TCF7L1: variants seen among roughly 807,000 people sequenced by gnomAD.
The protein encoded by TCF7L1 is transcription factor 7-like 1.
TCF7L1 carries 18 observed loss-of-function variants against 63.7 expected under a neutral mutation model. The ratio of observed to expected loss-of-function variants is 0.28; its 90% CI spans 0.20 to 0.42. The LOEUF (loss-of-function observed/expected upper bound fraction) is 0.42, where lower values mean the gene tolerates loss of function less well. TCF7L1 is among the 10% of genes least tolerant of loss of function. The pLI is 1.00. For synonymous variants in TCF7L1, 355 were observed against 340.9 expected (o/e 1.04, Z -0.46); for missense variants, 654 against 779.3 (o/e 0.84, Z 1.91).
intron 3 of TCF7L1, among the ~76,000 whole-genome samples, chr2:85,266,553 G>T (rs1007268616): frequency 2.6e-5 from 4 of 152,204 alleles, no homozygotes; most frequent in Non-Finnish European, 5.9e-5. Flanking sequence ...CCAGGTCACC[G>T]GCTCCTGGGG....
At chr2:85,276,779 G>A (rs916518444) in intron 3 of TCF7L1, among the ~76,000 whole-genome samples, 2 of 152,182 alleles carry the variant, frequency 1.3e-5, no homozygotes. Context: ...GAATTGAGGT[G>A]CAGCATGACC....
intron 3 of TCF7L1, among the ~76,000 whole-genome samples, chr2:85,247,937 C>T (rs991198215): frequency 6.6e-6 from 1 of 152,092 alleles, no homozygotes; most frequent in Non-Finnish European, 1.5e-5. Flanking sequence ...AAAACAGAAG[C>T]GAATCTAGGC....
intron 3 of TCF7L1, among the ~76,000 whole-genome samples, chr2:85,215,810 G>A (rs574374846): frequency 3.9e-5 from 6 of 151,924 alleles, no homozygotes; most frequent in African/African-American, 1.2e-4. Flanking sequence ...GCTAGGACAC[G>A]GCTGTCTTTG....
At position 85,257,984 on chromosome 2, in the gene TCF7L1, T is replaced by C. The variant is rs140424121; in HGVS notation, c.442-25511T>C. Among the ~76,000 whole-genome samples the C allele has an allele frequency of 9.2e-3, 1,400 of 152,322 alleles. 17 individuals carry two copies. The highest frequency in any genetic ancestry group is 0.032 in the African/African-American group (1,338 of 41,560). On this transcript the variant is annotated intron_variant, in intron 3 of 11. Transcript: ENST00000282111. ...AAATCCTGGCTCCACAACCCCTAGC[T>C]GTGTGGCCTTGGATAAATTAAAATC...
chr2:85,152,948 C>A (rs1434804734), intron 3 of TCF7L1, among the ~76,000 whole-genome samples: 3 of 152,216 alleles, frequency 2.0e-5, no homozygotes, highest in Non-Finnish European at 4.4e-5. Context: ...GATTTTCACT[C>A]AAGTTGCACG....
chr2:85,197,173 G>T (rs1314356085), intron 3 of TCF7L1, among the ~76,000 whole-genome samples: 1 of 152,138 alleles, frequency 6.6e-6, no homozygotes, highest in Non-Finnish European at 1.5e-5. Flanking sequence ...CACTTTGCAG[G>T]GCCGAGGAAG....
rs560199942 is a variant in TCF7L1 at position 85,134,786 on chromosome 2, C to A, written c.441+336C>A. On this transcript the variant is annotated intron_variant, in intron 3 of 11. Transcript: ENST00000282111. The surrounding 1 kb of genome is among the most constrained non-coding windows in gnomAD (Gnocchi z 5.0). ...GGGTCTCGCTTTCCTTCTTGGAAAT[C>A]GGTCAGCTTTCTCTGGCAGTGGGGC... Among the ~76,000 whole-genome samples, 30 of 152,156 alleles carry A rather than the reference C, an allele frequency of 2.0e-4. No individual in the cohort carries two copies. Among genetic ancestry groups the A allele is most frequent in the Admixed American group, 3.9e-4 (6 of 15,280 alleles).
intron 11 of TCF7L1, 80 bp from the exon 12 acceptor site, chr2:85,308,949 A>T: frequency 1.4e-6 from 2 of 1,469,468 alleles, no homozygotes; most frequent in Non-Finnish European, 1.8e-6. Context: ...TCCAAAGCAC[A>T]TGTATCGCCA....
chr2:85,197,416 A>G (rs1371798663), intron 3 of TCF7L1, among the ~76,000 whole-genome samples: 1 of 152,118 alleles, frequency 6.6e-6, no homozygotes, highest in Non-Finnish European at 1.5e-5. Flanking sequence ...ATATATATAT[A>G]TTTCGGGAGT....
chr2:85,302,022 A>G (rs1044119577), intron 4 of TCF7L1, among the ~76,000 whole-genome samples: 4 of 152,038 alleles, frequency 2.6e-5, no homozygotes, highest in Non-Finnish European at 5.9e-5. Context: ...CAGCTACTCC[A>G]GAGGCTGAGA....
Position 85,309,675 on chromosome 2 carries a change from C to A in TCF7L1, c.*213C>A. On this transcript the variant is annotated 3_prime_UTR_variant, in exon 12 of 12. Coordinates refer to ENST00000282111, the MANE Select transcript of TCF7L1 (RefSeq NM_031283.3). ...ACAAAACAAAACAACAAAAAAAAATCTTTATAAGAAAGAGAACTGAAAAGT... is the reference window on the plus strand; with the variant it reads ...ACAAAACAAAACAACAAAAAAAAATATTTATAAGAAAGAGAACTGAAAAGT... 2.1e-6 allele frequency: 1 copy of A among 479,720 alleles called. No individual in the cohort carries two copies. The highest frequency in any genetic ancestry group is 3.5e-6 in the Non-Finnish European group (1 of 283,308). 29.7% of individuals were successfully genotyped at this position (479,720 alleles called of 1,614,324 possible). A position where few individuals can be genotyped will look rare whatever the true frequency, so the allele number is the denominator to read the frequency against.
Position 85,252,447 on chromosome 2 carries a change from A to G in TCF7L1, c.442-31048A>G, listed in dbSNP as rs532501718. Among the ~76,000 whole-genome samples the G allele has an allele frequency of 3.9e-5, 6 of 152,160 alleles. No individual in the cohort carries two copies. In the South Asian group the frequency reaches 1.2e-3, roughly 32 times the overall value. On this transcript the variant is annotated intron_variant, in intron 3 of 11. Coordinates refer to ENST00000282111, the MANE Select transcript of TCF7L1 (RefSeq NM_031283.3). Reference sequence around the variant, plus strand: ...CCACATGAGCATTTGCTATCACTCTACTACCCTGACCCAAGCCTCGGTGTG... The same window carrying G: ...CCACATGAGCATTTGCTATCACTCTGCTACCCTGACCCAAGCCTCGGTGTG...
Position 85,133,765 on chromosome 2 carries a change from C to G in TCF7L1, c.81C>G (p.Gly27=). The change falls in exon 1 of 12, where the codon GGC becomes GGG. Residue 27 remains glycine (G), a synonymous_variant. Coordinates refer to ENST00000282111, the MANE Select transcript of TCF7L1 (RefSeq NM_031283.3). The surrounding 1 kb of genome is among the most constrained non-coding windows in gnomAD (Gnocchi z 4.4). ...GCGGCTCCAGCGCCGGGGCGGCCGG[C>G]GGAGGGGACGACCTCGGGGCGAACG... ...GGGGSSAGAA[G]GGDDLGANDE... 1 of 1,245,672 alleles carries G rather than the reference C, an allele frequency of 8.0e-7. No homozygotes were observed. Among genetic ancestry groups the G allele is most frequent in the Non-Finnish European group, 1.0e-6 (1 of 993,512 alleles). 77.2% of individuals were successfully genotyped at this position (1,245,672 alleles called of 1,614,324 possible). A position where few individuals can be genotyped will look rare whatever the true frequency, so the allele number is the denominator to read the frequency against.
At chr2:85,223,623 A>AC (rs1679896152) in intron 3 of TCF7L1, among the ~76,000 whole-genome samples, 1 of 152,090 alleles carries the variant, frequency 6.6e-6, no homozygotes, top group African/African-American at 2.4e-5. Context: ...AAAGTTGCAA[A>AC]ACCCAGCAAA....
At chr2:85,178,186 T>C (rs866136448) in intron 3 of TCF7L1, among the ~76,000 whole-genome samples, 29 of 152,222 alleles carry the variant, frequency 1.9e-4, no homozygotes, top group African/African-American at 6.8e-4. Flanking sequence ...GGAGTAAGCT[T>C]TTGAACCATT....
chr2:85,215,474 C>T (rs1679677821), intron 3 of TCF7L1, among the ~76,000 whole-genome samples: 1 of 152,176 alleles, frequency 6.6e-6, no homozygotes, highest in African/African-American at 2.4e-5. Context: ...GTGCAGAGGC[C>T]CCCCGCCTTG....
chr2:85,137,966 G>A (rs1318447125), intron 3 of TCF7L1, among the ~76,000 whole-genome samples: 1 of 151,592 alleles, frequency 6.6e-6, no homozygotes, highest in Non-Finnish European at 1.5e-5. Flanking sequence ...AATGGTTTAA[G>A]ACAAAGAAGA....
chr2:85,235,280 C>A (rs754913843), intron 3 of TCF7L1, among the ~76,000 whole-genome samples: 1 of 152,008 alleles, frequency 6.6e-6, no homozygotes, highest in Non-Finnish European at 1.5e-5. Context: ...ACAAATAACA[C>A]GCTCATATTA....
chr2:85,235,837 CAT>C (rs780566708), intron 3 of TCF7L1, among the ~76,000 whole-genome samples: 33 of 151,854 alleles, frequency 2.2e-4, no homozygotes, highest in Non-Finnish European at 3.4e-4. Flanking sequence ...GCCTAGGTAA[CAT>C]AGGGAAAGTC....
Sources: allele counts gnomAD v4.1 joint callset (sites outside exome capture counted in the v4.1 genomes callset), GRCh38; gene constraint gnomAD v4.1.1; non-coding constraint Gnocchi (gnomAD v3.1); transcripts MANE v1.5; gene names NCBI Gene and HGNC (gene_info 2026-07-23, HGNC 2026-07-21).